BTBD9: variants seen among roughly 807,000 people sequenced by gnomAD.
BTBD9 encodes BTB domain containing 9, also known as BTB/POZ domain-containing protein 9.
A neutral mutation model predicts 64.3 loss-of-function variants in BTBD9; 49 were observed. That is an observed-to-expected ratio of 0.76 (90% confidence interval 0.61 to 0.97). The LOEUF is 0.97. Ranked by LOEUF, BTBD9 falls within the 50% of genes least tolerant of loss-of-function variation. The probability of loss-of-function intolerance (pLI) is 0.00; values close to 1 mark genes in which losing one functional copy is unlikely to be tolerated. For missense variants in BTBD9, 598 were observed against 762.1 expected (o/e 0.78, Z 2.53); for synonymous variants, 260 against 274.7 (o/e 0.95, Z 0.53).
chr6:38,639,062 C>T (rs538627545), intron 1 of BTBD9, among the ~76,000 whole-genome samples: 1 of 152,344 alleles, frequency 6.6e-6, no homozygotes, highest in South Asian at 2.1e-4. Flanking sequence ...TGCTTCCATA[C>T]TTCCTTGGAT....
rs1019823107 is a variant in BTBD9 at position 38,597,946 on chromosome 6, T to A, written c.149A>T (p.His50Leu). The A allele has an allele frequency of 1.9e-6, 3 of 1,613,908 alleles. No homozygotes were observed. In the African/African-American group the frequency reaches 4.0e-5, roughly 22 times the overall value. The part of the protein sequence containing the change: ...FVVEKKRFPA[H>L]RVILAARCQY... ...GCACCTGGCTGCTAAAATTACCCTGTGGGCAGGAAAACGTTTCTTTTCCAC... is the reference window on the plus strand; with the variant it reads ...GCACCTGGCTGCTAAAATTACCCTGAGGGCAGGAAAACGTTTCTTTTCCAC... Residue 50 changes from histidine to leucine, a missense_variant, in exon 2 of 11, where the codon CAC becomes CTC. Transcript: ENST00000481247.
chr6:38,302,349 T>C (rs903760023), intron 7 of BTBD9, among the ~76,000 whole-genome samples: 2 of 151,880 alleles, frequency 1.3e-5, no homozygotes, highest in Non-Finnish European at 2.9e-5. Flanking sequence ...ACTTCACATA[T>C]GAATGAATCA....
intron 6 of BTBD9, among the ~76,000 whole-genome samples, chr6:38,444,148 C>A (rs968833166): frequency 7.2e-5 from 11 of 152,192 alleles, no homozygotes; most frequent in African/African-American, 2.7e-4. Flanking sequence ...CCAGGCTTAA[C>A]CATCTAGAAG....
intron 9 of BTBD9, among the ~76,000 whole-genome samples, chr6:38,252,480 C>T (rs1764436244): frequency 6.6e-6 from 1 of 152,160 alleles, no homozygotes; most frequent in Admixed American, 6.5e-5. Context: ...AAAATCATAA[C>T]CTCTGGTTCC....
chr6:38,546,369 C>T (rs903109403), intron 6 of BTBD9, among the ~76,000 whole-genome samples: 4 of 152,142 alleles, frequency 2.6e-5, no homozygotes, highest in Non-Finnish European at 5.9e-5. Flanking sequence ...AGAATAAACA[C>T]CTCAATTATT....
intron 7 of BTBD9, among the ~76,000 whole-genome samples, chr6:38,320,731 T>C (rs1032747647): frequency 6.6e-6 from 1 of 151,940 alleles, no homozygotes; most frequent in East Asian, 1.9e-4. Flanking sequence ...ATTTTGAGAG[T>C]TTCAGAGAAG....
intron 8 of BTBD9, among the ~76,000 whole-genome samples, chr6:38,267,926 C>T (rs973797286): frequency 2.0e-5 from 3 of 152,034 alleles, no homozygotes; most frequent in African/African-American, 4.8e-5. Context: ...GGTGACAGAG[C>T]GAGACTCCGT....
intron 8 of BTBD9, among the ~76,000 whole-genome samples, chr6:38,276,114 A>G (rs906362656): frequency 4.6e-5 from 7 of 152,178 alleles, no homozygotes; most frequent in Non-Finnish European, 7.4e-5. Context: ...GTCCAACAAC[A>G]ATAGACTGGA....
intron 1 of BTBD9, among the ~76,000 whole-genome samples, chr6:38,622,014 G>A (rs1027279390): frequency 1.3e-5 from 2 of 152,132 alleles, no homozygotes; most frequent in African/African-American, 4.8e-5. Flanking sequence ...AGAGGGGAAG[G>A]TACTCATACC....
intron 2 of BTBD9, among the ~76,000 whole-genome samples, chr6:38,596,763 T>G (rs1389281710): frequency 8.9e-5 from 13 of 146,892 alleles, no homozygotes; most frequent in Non-Finnish European, 4.4e-5. Flanking sequence ...ATCGCGCCAC[T>G]GCACTCCAGC....
intron 1 of BTBD9, among the ~76,000 whole-genome samples, chr6:38,629,609 G>C (rs1006072353): frequency 1.3e-5 from 2 of 151,800 alleles, no homozygotes; most frequent in African/African-American, 4.8e-5. Context: ...GGATCACGAG[G>C]TCAAGAGTTC....
chr6:38,258,877 G>A lies in BTBD9; in HGVS notation c.1455-2361C>T, dbSNP rs377281134. Among the ~76,000 whole-genome samples, 61 of 152,260 alleles carry A rather than the reference G, an allele frequency of 4.0e-4. 1 individual carries two copies. In the South Asian group the frequency reaches 0.012, roughly 31 times the overall value. ...TGCACTCTGGCCCAGGCCACAGCGC[G>A]AGATTCTGTCTCAAAAAAACAAAAA... On this transcript the variant is annotated intron_variant, in intron 8 of 10. Coordinates refer to ENST00000481247, the MANE Select transcript of BTBD9 (RefSeq NM_001099272.2).
At chr6:38,524,172 A>C (rs1381616867) in intron 6 of BTBD9, among the ~76,000 whole-genome samples, 1 of 151,894 alleles carries the variant, frequency 6.6e-6, no homozygotes, top group African/African-American at 2.4e-5. Flanking sequence ...TAAGAAAGTG[A>C]CAGAAATAAG....
chr6:38,572,011 T>TA (rs1775794856), intron 6 of BTBD9, among the ~76,000 whole-genome samples: 1 of 149,696 alleles, frequency 6.7e-6, no homozygotes, highest in African/African-American at 2.5e-5. Context: ...CAAAAACAAA[T>TA]AAAACAATGA....
intron 9 of BTBD9, among the ~76,000 whole-genome samples, chr6:38,194,669 T>C (rs1323821648): frequency 2.0e-5 from 3 of 151,956 alleles, no homozygotes; most frequent in African/African-American, 7.2e-5. Context: ...CTCCAAGATG[T>C]AGAGGAGGTT....
intron 6 of BTBD9, among the ~76,000 whole-genome samples, chr6:38,361,117 C>T (rs745768753): frequency 9.9e-5 from 15 of 151,786 alleles, no homozygotes; most frequent in Non-Finnish European, 2.1e-4. Flanking sequence ...TGGGGGACTT[C>T]GGAAATATAT....
intron 6 of BTBD9, among the ~76,000 whole-genome samples, chr6:38,524,543 G>A (rs190214798): frequency 5.6e-4 from 86 of 152,232 alleles, no homozygotes; most frequent in African/African-American, 2.0e-3. Flanking sequence ...GTCCCTTATA[G>A]AACATGATTT....
At chr6:38,614,798 A>G (rs1443226417) in intron 1 of BTBD9, among the ~76,000 whole-genome samples, 1 of 152,206 alleles carries the variant, frequency 6.6e-6, no homozygotes, top group Non-Finnish European at 1.5e-5. Context: ...ACCCTCACAT[A>G]GTTCCTAAGT....
intron 4 of BTBD9, among the ~76,000 whole-genome samples, chr6:38,584,388 AT>A (rs1776421378): frequency 1.3e-5 from 2 of 152,184 alleles, no homozygotes; most frequent in Non-Finnish European, 1.5e-5. Flanking sequence ...TTTACACATA[AT>A]TTTTAATGCA....
Sources: gnomAD v4.1 joint callset for allele counts (sites outside exome capture counted in the v4.1 genomes callset) on GRCh38, gnomAD v4.1.1 for gene constraint, MANE v1.5 for transcripts, NCBI Gene and HGNC (gene_info 2026-07-23, HGNC 2026-07-21) for gene names.